Variants in BCO1 observed in about 807,000 individuals in gnomAD.
BCO1 encodes beta,beta-carotene 15,15'-dioxygenase.
A neutral mutation model predicts 56.3 loss-of-function variants in BCO1; 54 were observed. The observed-to-expected ratio is 0.96, with a 90% CI of 0.77 to 1.20. BCO1 has a LOEUF of 1.20. Among genes scored for constraint, BCO1 ranks in the 50% most tolerant of loss-of-function variants. BCO1 has a pLI of 0.00. For missense variants in BCO1, 801 were observed against 690.9 expected, an observed-to-expected ratio of 1.16 and a Z score of -1.79; for synonymous variants, 318 against 266.1, an observed-to-expected ratio of 1.20 and a Z score of -1.90.
intron 7 of BCO1, among the ~76,000 whole-genome samples, chr16:81,278,809 T>C (rs993070111): frequency 2.0e-5 from 3 of 152,232 alleles, no homozygotes; most frequent in African/African-American, 7.2e-5. Context: ...CTTCTCTCCA[T>C]GTGACTTTGG....
chr16:81,270,682 C>T (rs1907141566), intron 7 of BCO1, among the ~76,000 whole-genome samples: 1 of 80,838 alleles, frequency 1.2e-5, no homozygotes, highest in African/African-American at 4.2e-5. Flanking sequence ...CCCAGTCTCT[C>T]TCTCTGTGTC....
chr16:81,254,370 C>T (rs991578099), intron 2 of BCO1, among the ~76,000 whole-genome samples: 16 of 133,376 alleles, frequency 1.2e-4, no homozygotes, highest in African/African-American at 4.6e-4. Context: ...AGGCTGGTCT[C>T]GAACTCCTGA....
At chr16:81,241,228 A>G (rs112152544) in intron 1 of BCO1, among the ~76,000 whole-genome samples, 8,730 of 151,966 alleles carry the variant, frequency 0.057, 508 homozygotes, top group African/African-American at 0.15. Context: ...CATGAGAATC[A>G]CTTGAACCCA....
At chr16:81,247,133 G>A (rs993311591) in intron 2 of BCO1, among the ~76,000 whole-genome samples, 5 of 152,134 alleles carry the variant, frequency 3.3e-5, no homozygotes, top group South Asian at 2.1e-4. Flanking sequence ...TGGATTTAGC[G>A]GGCTTCGGGT....
At position 81,238,792 on chromosome 16, in the gene BCO1, A is replaced by T; in HGVS notation, c.-117A>T. The T allele has an allele frequency of 1.1e-6, 1 of 885,194 alleles. No individual in the cohort carries two copies. The highest frequency in any genetic ancestry group is 1.9e-6 in the Non-Finnish European group (1 of 525,994). 54.8% of individuals were successfully genotyped at this position (885,194 alleles called of 1,614,324 possible). A position where few individuals can be genotyped will look rare whatever the true frequency, so the allele number is the denominator to read the frequency against. On this transcript the variant is annotated 5_prime_UTR_variant, in exon 1 of 11. In the 5' UTR this introduces an upstream ATG that the reference lacks. Transcript: ENST00000258168. The stretch of plus-strand genomic sequence containing the variant: ...GGCATCAGGAGAGACAGAGATGTGA[A>T]GGAGGGAAGGAGCAGGAGAGCAGGA...
intron 2 of BCO1, among the ~76,000 whole-genome samples, chr16:81,258,117 T>G (rs1906260760): frequency 6.6e-6 from 1 of 152,136 alleles, no homozygotes; most frequent in African/African-American, 2.4e-5. Flanking sequence ...AGACCTCCCC[T>G]GGAGCCTCCA....
At chr16:81,268,568 AC>A (rs1359497317) in intron 6 of BCO1, among the ~76,000 whole-genome samples, 1 of 152,178 alleles carries the variant, frequency 6.6e-6, no homozygotes, top group East Asian at 1.9e-4. Context: ...AGTATGTTCC[AC>A]CAGACAGTTC....
At chr16:81,281,114 C>T in intron 8 of BCO1, 152 bp downstream of exon 8, 1 of 674,020 alleles carries the variant, frequency 1.5e-6, no homozygotes, top group Non-Finnish European at 2.6e-6. Context: ...CATCTGGGGA[C>T]ATTTCTCTTT....
chr16:81,271,202 C>T (rs948114954), intron 7 of BCO1, among the ~76,000 whole-genome samples: 3 of 151,958 alleles, frequency 2.0e-5, no homozygotes, highest in Non-Finnish European at 4.4e-5. Context: ...GCAACCTCTG[C>T]CTCCTGGATT....
chr16:81,290,484 C>A lies in BCO1; in HGVS notation c.1551C>A (p.Phe517Leu). The change falls in exon 11 of 11, where the codon TTC becomes TTA. Residue 517 changes from phenylalanine to leucine, a missense_variant. By Grantham distance (22) the Phe-to-Leu change is conservative. Transcript: ENST00000258168. The stretch of plus-strand genomic sequence containing the variant: ...TGCACATGGATCTCCATGGATTATT[C>A]ATTACAGACATGGACTGGGACACAA... Reference protein sequence around the residue: ...VDMHMDLHGLFITDMDWDTKK... With the variant: ...VDMHMDLHGLLITDMDWDTKK... The A allele has an allele frequency of 6.2e-7, 1 of 1,614,124 alleles. No individual in the cohort carries two copies. Among genetic ancestry groups the A allele is most frequent in the Non-Finnish European group, 8.5e-7 (1 of 1,180,000 alleles).
intron 5 of BCO1, among the ~76,000 whole-genome samples, chr16:81,265,389 A>T (rs1244486061): frequency 7.2e-6 from 1 of 137,988 alleles, no homozygotes; most frequent in East Asian, 2.3e-4. Flanking sequence ...AATCCATTCA[A>T]CCATCTACCC....
chr16:81,270,980 G>A (rs539831828), intron 7 of BCO1, among the ~76,000 whole-genome samples: 6 of 152,218 alleles, frequency 3.9e-5, no homozygotes, highest in South Asian at 4.1e-4. Context: ...TCCCGACCTC[G>A]TGATCCACCC....
At chr16:81,251,969 T>A (rs1346933328) in intron 2 of BCO1, among the ~76,000 whole-genome samples, 2 of 151,702 alleles carry the variant, frequency 1.3e-5, no homozygotes, top group Non-Finnish European at 2.9e-5. Flanking sequence ...CAGGAGCACG[T>A]CTGTTGGCGT....
chr16:81,281,704 G>A (rs1907891605), intron 8 of BCO1, among the ~76,000 whole-genome samples: 1 of 152,166 alleles, frequency 6.6e-6, no homozygotes, highest in Admixed American at 6.5e-5. Context: ...GTGGAGCAGG[G>A]CTCCTCAATC....
In BCO1 at chr16:81,245,537, G is replaced by T; in HGVS notation, c.127G>T (p.Gly43Trp). 1 of 1,613,756 alleles carries T rather than the reference G, an allele frequency of 6.2e-7. No individual in the cohort carries two copies. Among genetic ancestry groups the T allele is most frequent in the Non-Finnish European group, 8.5e-7 (1 of 1,179,662 alleles). The change falls in exon 2 of 11, where the codon GGG (glycine) becomes TGG (tryptophan). Residue 43 changes from glycine (G) to tryptophan (W), a missense_variant. Physicochemically the swap from Gly to Trp is radical, Grantham distance 184. Transcript: ENST00000258168. ...CAATGGGCCTGGGATGCACACAGTTGGGGAGTCCAGATACAACCATTGGTT... is the reference window on the plus strand; with the variant it reads ...CAATGGGCCTGGGATGCACACAGTTTGGGAGTCCAGATACAACCATTGGTT... ...LRNGPGMHTV[G>W]ESRYNHWFDG...
At chr16:81,273,676 T>G (rs1007761959) in intron 7 of BCO1, among the ~76,000 whole-genome samples, 1 of 151,670 alleles carries the variant, frequency 6.6e-6, no homozygotes, top group Non-Finnish European at 1.5e-5. Context: ...CACTCTCTAC[T>G]TAGCTCATTT....
At chr16:81,243,010 G>A (rs1242137925) in intron 1 of BCO1, among the ~76,000 whole-genome samples, 1 of 152,118 alleles carries the variant, frequency 6.6e-6, no homozygotes, top group African/African-American at 2.4e-5. Flanking sequence ...AAAGTTTGGG[G>A]ACCACTGATC....
Position 81,289,511 on chromosome 16 carries a change from T to C in BCO1, c.1415-837T>C, listed in dbSNP as rs111491076. On this transcript the variant is annotated intron_variant, in intron 10 of 10. Coordinates refer to ENST00000258168, the MANE Select transcript of BCO1 (RefSeq NM_017429.3). ...CAAAAATTAGCCAGACGTGGTGTCA[T>C]GTGCCTGTAGTCCCAGCTACTTGGA... Among the ~76,000 whole-genome samples the C allele has an allele frequency of 1.2e-4, 18 of 152,178 alleles. 1 individual carries two copies. The highest frequency in any genetic ancestry group is 4.3e-4 in the African/African-American group (18 of 41,518).
rs754031707 is a variant in BCO1 at position 81,262,092 on chromosome 16, G to C, written c.324-44G>C. The C allele has an allele frequency of 1.9e-5, 30 of 1,607,258 alleles. No individual in the cohort carries two copies. The South Asian group carries it at 3.1e-4, about 16-fold the overall frequency. On this transcript the variant is annotated intron_variant, in intron 3 of 10. Coordinates refer to ENST00000258168, the MANE Select transcript of BCO1 (RefSeq NM_017429.3). Reference sequence around the variant, plus strand: ...CATCAAGGATAGACTTCTCTGGCTGGGTGGACATAGCCACTGACTCTGTTG... The same window carrying C: ...CATCAAGGATAGACTTCTCTGGCTGCGTGGACATAGCCACTGACTCTGTTG...
Sources: gnomAD v4.1 joint callset for allele counts (sites outside exome capture counted in the v4.1 genomes callset) on GRCh38, gnomAD v4.1.1 for gene constraint, MANE v1.5 for transcripts, NCBI Gene and HGNC (gene_info 2026-07-23, HGNC 2026-07-21) for gene names.